The following SNCAIP variants were observed in gnomAD, a reference collection of about 807,000 sequenced individuals.
SNCAIP encodes the protein synphilin-1.
SNCAIP carries 43 observed loss-of-function variants against 86.7 expected under a neutral mutation model. The observed-to-expected ratio is 0.50, with a 90% CI of 0.39 to 0.64. The LOEUF (loss-of-function observed/expected upper bound fraction) is 0.64. SNCAIP is among the 30% of genes least tolerant of loss of function. The pLI, the probability that SNCAIP is intolerant of heterozygous loss-of-function variation, is 0.00. For missense variants in SNCAIP, 981 were observed against 1,103.1 expected, an observed-to-expected ratio of 0.89 and a Z score of 1.57; for synonymous variants, 417 against 427.2, an observed-to-expected ratio of 0.98 and a Z score of 0.29.
chr5:122,462,592 T>A (rs979734), intron 10 of SNCAIP, among the ~76,000 whole-genome samples: 18 of 152,154 alleles, frequency 1.2e-4, no homozygotes, highest in Non-Finnish European at 2.6e-4. Flanking sequence ...CAGATGATGA[T>A]GATGATGATC....
rs1387434845 is a variant in SNCAIP at position 122,378,970 on chromosome 5, T to G, written c.-46-12119T>G. 1.5e-5 allele frequency among the ~76,000 whole-genome samples: 2 copies of G among 135,862 alleles called. 1 individual carries two copies. Among genetic ancestry groups the G allele is most frequent in the African/African-American group, 5.6e-5 (2 of 35,778 alleles). The allele number at this position is 135,862 out of a possible 152,430, so 89.1% of individuals were successfully genotyped here. On this transcript the variant is annotated intron_variant, in intron 1 of 10. Transcript: ENST00000261368. Reference sequence around the variant, plus strand: ...TGTAGTATAGTTTGAAGTCAGGTAGTGTGATGCCTCCAGCTTTGTTCTTTT... The same window carrying G: ...TGTAGTATAGTTTGAAGTCAGGTAGGGTGATGCCTCCAGCTTTGTTCTTTT...
intron 1 of SNCAIP, among the ~76,000 whole-genome samples, chr5:122,353,587 G>T (rs1580615323): frequency 6.6e-6 from 1 of 152,080 alleles, no homozygotes; most frequent in Non-Finnish European, 1.5e-5. Context: ...AATCATGGGG[G>T]CGGGTCTTTC....
intron 1 of SNCAIP, among the ~76,000 whole-genome samples, chr5:122,371,981 T>G (rs967480261): frequency 2.0e-5 from 3 of 152,152 alleles, no homozygotes; most frequent in Admixed American, 2.0e-4. Flanking sequence ...GACTCTGAGT[T>G]GACTATCTTA....
At chr5:122,326,983 A>G (rs1754236592) in intron 1 of SNCAIP, among the ~76,000 whole-genome samples, 1 of 150,140 alleles carries the variant, frequency 6.7e-6, no homozygotes, top group South Asian at 2.1e-4. Flanking sequence ...TTGCCTTTGA[A>G]TTATCCTTTC....
chr5:122,314,397 G>A (rs1003480299), intron 1 of SNCAIP, among the ~76,000 whole-genome samples: 2 of 152,176 alleles, frequency 1.3e-5, no homozygotes, highest in Non-Finnish European at 2.9e-5. Context: ...TCTTTTAAAT[G>A]CAAAATCTAA....
At chr5:122,448,600 ATATT>A (rs905323325) in intron 8 of SNCAIP, among the ~76,000 whole-genome samples, 13 of 141,038 alleles carry the variant, frequency 9.2e-5, no homozygotes, top group Non-Finnish European at 1.5e-4. Flanking sequence ...ATTTTTATAT[ATATT>A]ATATATATTT....
intron 6 of SNCAIP, chr5:122,436,900 A>C (rs1186717075): frequency 1.3e-5 from 2 of 152,208 alleles, no homozygotes; most frequent in African/African-American, 4.8e-5. Context: ...AATCCCCAGA[A>C]GAGGAAACTG....
At chr5:122,318,794 A>T (rs1159950536) in intron 1 of SNCAIP, among the ~76,000 whole-genome samples, 2 of 152,126 alleles carry the variant, frequency 1.3e-5, no homozygotes, top group African/African-American at 4.8e-5. Context: ...CCAGGCTAAA[A>T]TCTATGGGTC....
chr5:122,421,361 C>T (rs935636549), intron 3 of SNCAIP, among the ~76,000 whole-genome samples: 3 of 152,208 alleles, frequency 2.0e-5, no homozygotes, highest in Non-Finnish European at 2.9e-5. Flanking sequence ...AGAGCACTCA[C>T]TCTCATCCCG....
At chr5:122,407,308 T>G (rs562481865) in intron 3 of SNCAIP, among the ~76,000 whole-genome samples, 1 of 152,060 alleles carries the variant, frequency 6.6e-6, no homozygotes, top group Non-Finnish European at 1.5e-5. Context: ...GAACTAGTAA[T>G]TGCAAAGTGC....
chr5:122,332,516 G>C (rs1211730597), intron 1 of SNCAIP, among the ~76,000 whole-genome samples: 2 of 152,226 alleles, frequency 1.3e-5, no homozygotes, highest in African/African-American at 4.8e-5. Flanking sequence ...CATGGACTTA[G>C]AGCAAAATAT....
intron 1 of SNCAIP, among the ~76,000 whole-genome samples, chr5:122,364,292 G>C (rs998946643): frequency 2.7e-4 from 41 of 152,184 alleles, no homozygotes; most frequent in Non-Finnish European, 5.3e-4. Context: ...TTAGGGCTGC[G>C]CTGTCTGTGG....
At chr5:122,462,530 A>G (rs1208962521) in intron 10 of SNCAIP, among the ~76,000 whole-genome samples, 1 of 152,186 alleles carries the variant, frequency 6.6e-6, no homozygotes, top group Non-Finnish European at 1.5e-5. Context: ...GCCCATGGAC[A>G]GCTCTCTAAA....
At chr5:122,375,084 G>A (rs966892009) in intron 1 of SNCAIP, among the ~76,000 whole-genome samples, 1 of 152,114 alleles carries the variant, frequency 6.6e-6, no homozygotes, top group African/African-American at 2.4e-5. Context: ...CTCTGTGTAT[G>A]TACAGATGTG....
intron 1 of SNCAIP, among the ~76,000 whole-genome samples, chr5:122,331,797 C>T (rs1156306867): frequency 6.6e-6 from 1 of 152,170 alleles, no homozygotes; most frequent in Admixed American, 6.6e-5. Flanking sequence ...TAGCACTTAC[C>T]CTAACTTAAC....
At chr5:122,416,035 G>C (rs981029496) in intron 3 of SNCAIP, among the ~76,000 whole-genome samples, 2 of 152,164 alleles carry the variant, frequency 1.3e-5, no homozygotes, top group Non-Finnish European at 2.9e-5. Flanking sequence ...GAAGCCCAAA[G>C]GTTTAAAGTT....
intron 1 of SNCAIP, among the ~76,000 whole-genome samples, chr5:122,360,224 A>G (rs1761938272): frequency 6.6e-6 from 1 of 152,188 alleles, no homozygotes; most frequent in Admixed American, 6.5e-5. Flanking sequence ...TTTGCTCTAA[A>G]GATTATCCCA....
intron 1 of SNCAIP, among the ~76,000 whole-genome samples, chr5:122,348,842 G>A (rs186893634): frequency 3.3e-5 from 5 of 152,154 alleles, no homozygotes; most frequent in Non-Finnish European, 5.9e-5. Context: ...GCCATAACAG[G>A]TCTAGTTTAA....
intron 1 of SNCAIP, among the ~76,000 whole-genome samples, chr5:122,320,589 C>T (rs548504838): frequency 2.2e-4 from 33 of 152,176 alleles, no homozygotes; most frequent in Non-Finnish European, 4.0e-4. Flanking sequence ...ACTCTGATCA[C>T]AAAACATTGT....
Sources: gnomAD v4.1 joint callset for allele counts (sites outside exome capture counted in the v4.1 genomes callset) on GRCh38, gnomAD v4.1.1 for gene constraint, MANE v1.5 for transcripts, NCBI Gene and HGNC (gene_info 2026-07-23, HGNC 2026-07-21) for gene names.